Variants in NPIPA2 observed in about 807,000 individuals in gnomAD.
NPIPA2 encodes nuclear pore complex-interacting protein family member A2.
For missense variants in NPIPA2, 3 were observed against 137.5 expected (o/e 0.02, Z 4.89); for synonymous variants, 1 against 57.3 (o/e 0.02, Z 4.44).
At chr16:14,749,241 C>T (rs1431951708) in intron 1 of NPIPA2, among the ~76,000 whole-genome samples, 3 of 10,368 alleles carry the variant, frequency 2.9e-4, no homozygotes, top group African/African-American at 4.7e-4. Flanking sequence ...CTGCAACCTC[C>T]GTCTCCCGGG....
chr16:14,765,341 T>C (rs1235768620), exon 8 of NPIPA2: 1 of 1,599,754 alleles, frequency 6.3e-7, no homozygotes, highest in Non-Finnish European at 8.5e-7. Flanking sequence ...CGGATGATAA[T>C]CTCAAGACAC....
chr16:14,758,640 TGTGA>T (rs1327063062), intron 2 of NPIPA2, among the ~76,000 whole-genome samples: 2 of 74,000 alleles, frequency 2.7e-5, no homozygotes, highest in African/African-American at 4.1e-5. Context: ...TGTGTGTGTG[TGTGA>T]CAGAGTCTCA....
chr16:14,751,915 CA>C (rs1345000537), intron 1 of NPIPA2, among the ~76,000 whole-genome samples: 2 of 55,030 alleles, frequency 3.6e-5, no homozygotes, highest in African/African-American at 9.2e-5. Context: ...CAAAAAATTC[CA>C]AAAAAGATTA....
At chr16:14,749,100 TACACACACACACACAGACAGAC>T (rs1961854943) in intron 1 of NPIPA2, among the ~76,000 whole-genome samples, 1 of 15,686 alleles carries the variant, frequency 6.4e-5, no homozygotes, top group African/African-American at 1.2e-4. Flanking sequence ...TTTATATAGA[TACACACACACACACAGACAGAC>T]ACACACACAC....
At position 14,761,335 on chromosome 16, in the gene NPIPA2, T is replaced by C. The variant is rs1404702724; in HGVS notation, c.495-977T>C. Among the ~76,000 whole-genome samples, 2 of 41,518 alleles carry C rather than the reference T, an allele frequency of 4.8e-5. 1 individual carries two copies. Among genetic ancestry groups the C allele is most frequent in the Non-Finnish European group, 1.1e-4 (2 of 18,322 alleles). The allele number at this position is 41,518 out of a possible 152,430, so 27.2% of individuals were successfully genotyped here. ...CAGCACCTCACCACACACACCTTGT[T>C]TGAGGCCACTCCAGACAGCATGTGC... On this transcript the variant is annotated intron_variant, in intron 4 of 7. Transcript: ENST00000529166.
chr16:14,761,328 A>T lies in NPIPA2; in HGVS notation c.495-984A>T, dbSNP rs1301751706. 1.0e-4 allele frequency among the ~76,000 whole-genome samples: 4 copies of T among 38,128 alleles called. 2 individuals carry two copies. Among genetic ancestry groups the T allele is most frequent in the Admixed American group, 9.2e-4 (2 of 2,182 alleles). 25.0% of individuals were successfully genotyped at this position (38,128 alleles called of 152,430 possible). A position where few individuals can be genotyped will look rare whatever the true frequency, so the allele number is the denominator to read the frequency against. Reference sequence around the variant, plus strand: ...GCATTGTCAGCACCTCACCACACACACCTTGTTTGAGGCCACTCCAGACAG... The same window carrying T: ...GCATTGTCAGCACCTCACCACACACTCCTTGTTTGAGGCCACTCCAGACAG... On this transcript the variant is annotated intron_variant, in intron 4 of 7. Coordinates refer to ENST00000529166, the Ensembl canonical transcript of NPIPA2.
At chr16:14,761,518 A>C (rs1962261711) in intron 4 of NPIPA2, among the ~76,000 whole-genome samples, 1 of 34,836 alleles carries the variant, frequency 2.9e-5, no homozygotes, top group South Asian at 1.8e-3. Flanking sequence ...AAGTGGTGTG[A>C]GGGCAACACA....
At chr16:14,758,280 ATTTT>A (rs1164995200) in intron 2 of NPIPA2, among the ~76,000 whole-genome samples, 1 of 45,440 alleles carries the variant, frequency 2.2e-5, no homozygotes, top group Non-Finnish European at 4.9e-5. Flanking sequence ...CACCTGGCCT[ATTTT>A]TTTTTTTTTT....
intron 2 of NPIPA2, among the ~76,000 whole-genome samples, chr16:14,758,358 C>A (rs1202757086): frequency 2.0e-5 from 3 of 148,590 alleles, no homozygotes; most frequent in African/African-American, 4.9e-5. Context: ...TCTCAGCTCA[C>A]CACAATCTTT....
intron 1 of NPIPA2, among the ~76,000 whole-genome samples, chr16:14,749,100 TACAC>T (rs551013895): frequency 3.8e-4 from 6 of 15,672 alleles, no homozygotes; most frequent in African/African-American, 7.3e-4. Flanking sequence ...TTTATATAGA[TACAC>T]ACACACACAC....
rs1459079479 is a variant in NPIPA2 at position 14,749,138 on chromosome 16, T to C, written c.120+953T>C. On this transcript the variant is annotated intron_variant, in intron 1 of 7. Transcript: ENST00000529166. ...ACAGACAGACACACACACACACACA[T>C]ATATATATATATATATATTTTTTTT... Among the ~76,000 whole-genome samples, 160 of 19,694 alleles carry C rather than the reference T, an allele frequency of 8.1e-3. 8 individuals carry two copies. Among genetic ancestry groups the C allele is most frequent in the South Asian group, 0.014 (3 of 208 alleles). The allele number at this position is 19,694 out of a possible 152,430, so 12.9% of individuals were successfully genotyped here.
intron 1 of NPIPA2, among the ~76,000 whole-genome samples, chr16:14,751,762 CT>C (rs1386708537): frequency 5.3e-5 from 7 of 131,738 alleles, no homozygotes; most frequent in African/African-American, 1.8e-4. Flanking sequence ...GGGTTTGTTC[CT>C]TTTTACTGGG....
chr16:14,765,244 AT>A lies in NPIPA2; in HGVS notation c.942del (p.Leu316PhefsTer49). ...AAGACACCTGCGGAGTGTCTGCTCT[AT>A]CCCCTTCCACCCTCAGCGGATGATA... is the stretch of plus-strand genomic sequence containing the variant. On this transcript the variant is annotated frameshift_variant, in exon 8 of 8. Transcript: ENST00000529166. LOFTEE classifies it high-confidence loss of function. The A allele has an allele frequency of 2.0e-6, 3 of 1,493,564 alleles. No homozygotes were observed. Among genetic ancestry groups the A allele is most frequent in the Non-Finnish European group, 2.7e-6 (3 of 1,098,088 alleles). 92.5% of individuals were successfully genotyped at this position (1,493,564 alleles called of 1,614,324 possible).
chr16:14,762,972 TTTTTTG>T (rs1294564443), intron 5 of NPIPA2, among the ~76,000 whole-genome samples: 1 of 10,732 alleles, frequency 9.3e-5, no homozygotes, highest in Non-Finnish European at 1.5e-4. Context: ...CTGTACAGTT[TTTTTTG>T]TTTTTGTTTT....
chr16:14,749,178 C>T (rs1235204315), intron 1 of NPIPA2, among the ~76,000 whole-genome samples: 4 of 24,446 alleles, frequency 1.6e-4, no homozygotes, highest in African/African-American at 3.8e-4. Flanking sequence ...TTTTTTGAGA[C>T]AGAGTTTCAC....
chr16:14,749,155 A>ATT (rs1294509625), intron 1 of NPIPA2, among the ~76,000 whole-genome samples: 9 of 16,136 alleles, frequency 5.6e-4, no homozygotes, highest in African/African-American at 6.7e-4. Flanking sequence ...ATATATATAT[A>ATT]TTTTTTTTTT....
chr16:14,749,078 T>C (rs959477290), intron 1 of NPIPA2, among the ~76,000 whole-genome samples: 1 of 11,876 alleles, frequency 8.4e-5, no homozygotes, highest in African/African-American at 1.5e-4. Flanking sequence ...AAATGATCTT[T>C]TATTTTTGAG....
chr16:14,749,150 TATA>T (rs1344621718), intron 1 of NPIPA2, among the ~76,000 whole-genome samples: 2 of 17,818 alleles, frequency 1.1e-4, no homozygotes, highest in African/African-American at 1.8e-4. Flanking sequence ...TATATATATA[TATA>T]TATTTTTTTT....
chr16:14,749,136 C>CACAT, intron 1 of NPIPA2, among the ~76,000 whole-genome samples: 1 of 19,204 alleles, frequency 5.2e-5, no homozygotes, highest in African/African-American at 9.9e-5. Flanking sequence ...CACACACACA[C>CACAT]ATATATATAT....
Sources: gnomAD v4.1 joint callset for allele counts (sites outside exome capture counted in the v4.1 genomes callset) on GRCh38, gnomAD v4.1.1 for gene constraint, MANE v1.5 for transcripts, NCBI Gene and HGNC (gene_info 2026-07-23, HGNC 2026-07-21) for gene names.